The following MGMT variants were observed in gnomAD, a reference collection of about 807,000 sequenced individuals.
MGMT encodes methylated-DNA--protein-cysteine methyltransferase.
Under a neutral mutation model 15.9 loss-of-function variants are expected in MGMT, and 14 were observed. That is an observed-to-expected ratio of 0.88 (90% CI 0.58 to 1.37). The LOEUF (loss-of-function observed/expected upper bound fraction) is 1.37. MGMT is among the 40% of genes most tolerant of loss of function. The pLI, the probability that MGMT is intolerant of heterozygous loss-of-function variation, is 0.00. For missense variants in MGMT, 282 were observed against 268.1 expected (o/e 1.05, Z -0.36); for synonymous variants, 130 against 118.2 (o/e 1.10, Z -0.65).
intron 2 of MGMT, among the ~76,000 whole-genome samples, chr10:129,587,077 T>G (rs1398644625): frequency 6.6e-6 from 1 of 152,214 alleles, no homozygotes; most frequent in Non-Finnish European, 1.5e-5. Context: ...ACTTGCATTG[T>G]TTCGGACCAG....
chr10:129,525,438 A>G (rs965256021), intron 1 of MGMT, among the ~76,000 whole-genome samples: 6 of 152,074 alleles, frequency 3.9e-5, no homozygotes, highest in African/African-American at 1.4e-4. Flanking sequence ...TGGTTTTATA[A>G]TGTGCCACGC....
At chr10:129,725,014 G>A (rs986103697) in intron 3 of MGMT, among the ~76,000 whole-genome samples, 3 of 152,172 alleles carry the variant, frequency 2.0e-5, no homozygotes, top group African/African-American at 2.4e-5. Context: ...TGGACCTCCC[G>A]GTCCTCTCCA....
At chr10:129,694,613 C>G (rs1848009334) in intron 2 of MGMT, among the ~76,000 whole-genome samples, 1 of 152,130 alleles carries the variant, frequency 6.6e-6, no homozygotes, top group Non-Finnish European at 1.5e-5. Flanking sequence ...CTCTCCAGCC[C>G]CCCTGTTTGT....
intron 3 of MGMT, among the ~76,000 whole-genome samples, chr10:129,712,079 A>G (rs1271426025): frequency 6.6e-6 from 1 of 152,200 alleles, no homozygotes; most frequent in Non-Finnish European, 1.5e-5. Context: ...AAGCAGACCT[A>G]CGGAAAGCGA....
intron 2 of MGMT, among the ~76,000 whole-genome samples, chr10:129,616,787 C>A (rs541044724): frequency 6.6e-6 from 1 of 152,230 alleles, no homozygotes; most frequent in South Asian, 2.1e-4. Context: ...AAAGAACATG[C>A]CCCACTGTCT....
intron 2 of MGMT, among the ~76,000 whole-genome samples, chr10:129,688,511 A>G (rs577730889): frequency 9.3e-4 from 142 of 152,288 alleles, no homozygotes; most frequent in African/African-American, 3.3e-3. Flanking sequence ...CTCTGTTCAT[A>G]TCCTTCACCC....
chr10:129,476,767 C>T (rs867785778), intron 1 of MGMT, among the ~76,000 whole-genome samples: 1 of 152,226 alleles, frequency 6.6e-6, no homozygotes, highest in Middle Eastern at 3.4e-3. Context: ...GGCCGGGGAC[C>T]CTCCCAACTC....
At chr10:129,583,467 A>G (rs959750441) in intron 2 of MGMT, among the ~76,000 whole-genome samples, 5 of 152,176 alleles carry the variant, frequency 3.3e-5, no homozygotes, top group Admixed American at 6.5e-5. Flanking sequence ...TTGGATCAAG[A>G]TGGTGTGTTG....
intron 3 of MGMT, among the ~76,000 whole-genome samples, chr10:129,739,660 A>G (rs1848607841): frequency 6.6e-6 from 1 of 152,090 alleles, no homozygotes. Context: ...ACCAGGTCAG[A>G]ACCCCTATAC....
intron 3 of MGMT, among the ~76,000 whole-genome samples, chr10:129,719,146 C>A (rs1177633445): frequency 6.7e-6 from 1 of 149,660 alleles, no homozygotes; most frequent in Admixed American, 6.6e-5. Flanking sequence ...GTGCCCAGAG[C>A]TGGTCTGTGT....
intron 3 of MGMT, among the ~76,000 whole-genome samples, chr10:129,738,790 A>C (rs1266755470): frequency 2.6e-5 from 4 of 152,182 alleles, no homozygotes; most frequent in African/African-American, 9.7e-5. Flanking sequence ...GGGAATCCTC[A>C]CTAACTCATT....
intron 2 of MGMT, among the ~76,000 whole-genome samples, chr10:129,549,369 C>T (rs1405177155): frequency 6.6e-6 from 1 of 152,150 alleles, no homozygotes; most frequent in East Asian, 1.9e-4. Flanking sequence ...GTACCGTCAG[C>T]AGTAAACTGG....
At chr10:129,597,198 G>A (rs2133058324) in intron 2 of MGMT, among the ~76,000 whole-genome samples, 1 of 152,280 alleles carries the variant, frequency 6.6e-6, no homozygotes, top group Middle Eastern at 3.4e-3. Context: ...GTACATCTGA[G>A]CTCTAAGCCT....
At chr10:129,688,326 A>G (rs1847932817) in intron 2 of MGMT, among the ~76,000 whole-genome samples, 1 of 152,126 alleles carries the variant, frequency 6.6e-6, no homozygotes, top group Non-Finnish European at 1.5e-5. Flanking sequence ...AAGTGTTCCT[A>G]TTTCTCCACA....
chr10:129,559,289 G>T (rs1846250771), intron 2 of MGMT, among the ~76,000 whole-genome samples: 1 of 152,058 alleles, frequency 6.6e-6, no homozygotes, highest in African/African-American at 2.4e-5. Flanking sequence ...TATTTAATAA[G>T]AATGAATAAT....
chr10:129,525,002 G>T (rs953567750), intron 1 of MGMT, among the ~76,000 whole-genome samples: 3 of 152,158 alleles, frequency 2.0e-5, no homozygotes, highest in Non-Finnish European at 4.4e-5. Flanking sequence ...GGGAGTGGCA[G>T]TTATAATCTG....
intron 2 of MGMT, among the ~76,000 whole-genome samples, chr10:129,670,343 G>T (rs10764893): frequency 0.7 from 106,686 of 152,076 alleles, 38,490 homozygotes; most frequent in African/African-American, 0.86. Flanking sequence ...TTGTACCGAA[G>T]TAGTACTTTC....
chr10:129,729,986 A>T (rs1848477804), intron 3 of MGMT, among the ~76,000 whole-genome samples: 1 of 152,122 alleles, frequency 6.6e-6, no homozygotes, highest in Non-Finnish European at 1.5e-5. Context: ...AGTGGGGTGG[A>T]TGGGGTACTG....
At position 129,594,824 on chromosome 10, in the gene MGMT, A is replaced by G. The variant is rs1846731894; in HGVS notation, c.125+58447A>G. Among the ~76,000 whole-genome samples the G allele has an allele frequency of 2.0e-5, 3 of 152,200 alleles. No individual in the cohort carries two copies. The South Asian group carries it at 6.2e-4, about 32-fold the overall frequency. ...TCCATCCTCAGTTGACAAGGATTCA[A>G]AAAGTTTGTTGGTGACGCTGACATG... On this transcript the variant is annotated intron_variant, in intron 2 of 4. Transcript: ENST00000651593.
Sources: allele counts gnomAD v4.1 joint callset (sites outside exome capture counted in the v4.1 genomes callset), GRCh38; gene constraint gnomAD v4.1.1; transcripts MANE v1.5; gene names NCBI Gene and HGNC (gene_info 2026-07-23, HGNC 2026-07-21).